LILRB1: variants seen among roughly 807,000 people sequenced by gnomAD.
LILRB1 encodes the protein leukocyte immunoglobulin-like receptor subfamily B member 1.
A neutral mutation model predicts 74.6 loss-of-function variants in LILRB1; 59 were observed. That is an observed-to-expected ratio of 0.79 (90% CI 0.64 to 0.98). LILRB1 has a LOEUF of 0.98. Among genes scored for constraint, LILRB1 ranks in the 50% least tolerant of loss-of-function variants. LILRB1 has a pLI of 0.00. For synonymous variants in LILRB1, 328 were observed against 333.9 expected, an observed-to-expected ratio of 0.98 and a Z score of 0.19; for missense variants, 804 against 822.6, an observed-to-expected ratio of 0.98 and a Z score of 0.28.
chr19:54,630,952 G>A, intron 1 of LILRB1, 74 bp from the exon 2 acceptor site: 1 of 1,611,792 alleles, frequency 6.2e-7, no homozygotes, highest in Non-Finnish European at 8.5e-7. Flanking sequence ...TGTGGCTGCA[G>A]ATGACAGCAC....
rs777882631 is a variant in LILRB1 at position 54,636,768 on chromosome 19, G to A, written c.1849G>A (p.Ala617Thr). 8.1e-6 allele frequency: 13 copies of A among 1,606,752 alleles called. No homozygotes were observed. The highest frequency in any genetic ancestry group is 4.4e-5 in the South Asian group (4 of 90,894). Residue 617 changes from alanine to threonine, a missense_variant, in exon 15 of 15, where the codon GCC becomes ACC. Ala to Thr is a moderately conservative substitution (Grantham distance 58, BLOSUM62 0). Transcript: ENST00000324602. The part of the protein sequence containing the change: ...ASEAPQDVTY[A>T]QLHSLTLRRE... ...TGAAGCCCCCCAGGATGTGACCTAC[G>A]CCCAGCTGCACAGCTTGACCCTCAG...
intron 9 of LILRB1, chr19:54,634,365 T>C (rs2064199527): frequency 6.5e-7 from 1 of 1,539,088 alleles, no homozygotes; most frequent in Non-Finnish European, 8.8e-7. Flanking sequence ...TCCCTGCAGC[T>C]CCGGGGCTCG....
At chr19:54,621,030 G>T (rs1487741278) in intron 1 of LILRB1, among the ~76,000 whole-genome samples, 2 of 151,772 alleles carry the variant, frequency 1.3e-5, no homozygotes, top group Non-Finnish European at 2.9e-5. Context: ...TCGCCACCAT[G>T]CCTAGCTAAT....
intron 12 of LILRB1, 84 bp from the exon 13 acceptor site, chr19:54,635,473 T>A: frequency 6.5e-7 from 1 of 1,549,018 alleles, no homozygotes; most frequent in Non-Finnish European, 8.8e-7. Context: ...AGTGGCCCCA[T>A]CTGGGAGCTG....
intron 1 of LILRB1, among the ~76,000 whole-genome samples, chr19:54,621,835 C>A (rs894112483): frequency 6.6e-6 from 1 of 152,076 alleles, no homozygotes; most frequent in Non-Finnish European, 1.5e-5. Context: ...ACATTGAGGT[C>A]TTTAATTCAT....
chr19:54,620,206 G>C (rs2063419067), intron 1 of LILRB1, among the ~76,000 whole-genome samples: 2 of 152,106 alleles, frequency 1.3e-5, no homozygotes, highest in Non-Finnish European at 2.9e-5. Context: ...CAAGAAGATA[G>C]TTGATATAGA....
intron 4 of LILRB1, 55 bp downstream of exon 4, chr19:54,631,842 G>C (rs757134124): frequency 3.1e-6 from 5 of 1,600,834 alleles, no homozygotes; most frequent in Non-Finnish European, 4.3e-6. Flanking sequence ...GAAGGGGGAC[G>C]GCTCTCAGGG....
At chr19:54,631,444 A>G (rs560081629) in intron 3 of LILRB1, 56 bp from the exon 4 acceptor site, 1 of 1,600,820 alleles carries the variant, frequency 6.2e-7, no homozygotes, top group Admixed American at 1.7e-5. Context: ...TGAGAGCTGG[A>G]ATCTGCTGGG....
In LILRB1 at chr19:54,637,007, C is replaced by G. The variant is rs2064506001; in HGVS notation, c.*129C>G. The G allele has an allele frequency of 2.7e-6, 3 of 1,093,126 alleles. No individual in the cohort carries two copies. The highest frequency in any genetic ancestry group is 4.0e-6 in the Non-Finnish European group (3 of 759,320). 67.7% of individuals were successfully genotyped at this position (1,093,126 alleles called of 1,614,324 possible). On this transcript the variant is annotated 3_prime_UTR_variant, in exon 15 of 15. Transcript: ENST00000324602. ...GGAGACTCTGGGAACTTTTAGGGGT[C>G]ACTCAATTCTGCAGTATAAATAACT...
At chr19:54,633,842 G>C in intron 8 of LILRB1, 129 bp from the exon 9 acceptor site, 1 of 1,462,906 alleles carries the variant, frequency 6.8e-7, no homozygotes. Flanking sequence ...CCAGGGCTCT[G>C]AGGCTGGGCT....
chr19:54,625,797 C>T (rs1876902573), upstream of LILRB1, among the ~76,000 whole-genome samples: 1 of 151,702 alleles, frequency 6.6e-6, no homozygotes, highest in Admixed American at 6.6e-5. Context: ...CTCACCCCTT[C>T]CCCGTGTTAG....
At chr19:54,621,993 T>G (rs2063470284) in intron 1 of LILRB1, among the ~76,000 whole-genome samples, 1 of 152,210 alleles carries the variant, frequency 6.6e-6, no homozygotes, top group African/African-American at 2.4e-5. Flanking sequence ...CTCAGTATGT[T>G]GTAGGCATGT....
chr19:54,634,535 G>C (rs2064219437), intron 9 of LILRB1, 106 bp from the exon 10 acceptor site: 12 of 1,519,854 alleles, frequency 7.9e-6, no homozygotes, highest in Non-Finnish European at 1.1e-5. Flanking sequence ...CTGCACGACT[G>C]TTGTGGGGGT....
Position 54,632,629 on chromosome 19 carries a change from G to C in LILRB1, c.827G>C (p.Gly276Ala), listed in dbSNP as rs778897447. The C allele has an allele frequency of 4.9e-5, 79 of 1,613,986 alleles. No individual in the cohort carries two copies. Among genetic ancestry groups the C allele is most frequent in the Non-Finnish European group, 6.5e-5 (77 of 1,180,032 alleles). ...LQLAGAQPQA[G>A]LSQANFTLGP... ...CTCGCTGGCGCACAGCCCCAGGCTG[G>C]GCTCTCCCAGGCCAACTTCACCCTG... is the stretch of plus-strand genomic sequence containing the variant. The change falls in exon 6 of 15, where the codon GGG becomes GCG. Residue 276 changes from glycine to alanine, a missense_variant. Coordinates refer to ENST00000324602, the MANE Select transcript of LILRB1 (RefSeq NM_001081637.3).
chr19:54,616,802 C>G (rs1274093081), upstream of LILRB1, among the ~76,000 whole-genome samples: 3 of 152,038 alleles, frequency 2.0e-5, no homozygotes, highest in Admixed American at 1.3e-4. Context: ...GTTTCCTCAG[C>G]TTAAAAAAGA....
At chr19:54,633,725 G>A in intron 8 of LILRB1, 37 bp downstream of exon 8, 1 of 1,597,978 alleles carries the variant, frequency 6.3e-7, no homozygotes, top group Non-Finnish European at 8.5e-7. Context: ...AGGGAGTGCG[G>A]CCTCCCCCAG....
At chr19:54,618,100 C>CAAAAAAAA (rs1202106742) in intron 1 of LILRB1, among the ~76,000 whole-genome samples, 5 of 77,942 alleles carry the variant, frequency 6.4e-5, no homozygotes, top group Admixed American at 1.5e-4. Context: ...GCCCCTGCCT[C>CAAAAAAAA]AAAAAAAAAA....
intron 1 of LILRB1, 99 bp from the exon 2 acceptor site, chr19:54,630,927 C>A (rs1428770627): frequency 1.3e-6 from 2 of 1,596,018 alleles, no homozygotes; most frequent in Non-Finnish European, 1.7e-6. Context: ...CTGGGGAGGG[C>A]AGTTCCACTT....
upstream of LILRB1, among the ~76,000 whole-genome samples, chr19:54,628,573 A>C (rs909884432): frequency 1.3e-5 from 2 of 152,164 alleles, no homozygotes; most frequent in African/African-American, 4.8e-5. Flanking sequence ...GGTTGAATAC[A>C]AAGCACACTG....
Sources: allele counts gnomAD v4.1 joint callset (sites outside exome capture counted in the v4.1 genomes callset), GRCh38; gene constraint gnomAD v4.1.1; transcripts MANE v1.5; gene names NCBI Gene and HGNC (gene_info 2026-07-23, HGNC 2026-07-21).